PAG1: variants seen among roughly 807,000 people sequenced by gnomAD.
PAG1 encodes the protein phosphoprotein associated with glycosphingolipid-enriched microdomains 1.
PAG1 carries 23 observed loss-of-function variants against 31.7 expected under a neutral mutation model. The ratio of observed to expected loss-of-function variants is 0.73; its 90% CI spans 0.52 to 1.03. The LOEUF is 1.03. Ranked by LOEUF, PAG1 falls within the 50% of genes least tolerant of loss-of-function variation. The pLI, the probability that PAG1 is intolerant of heterozygous loss-of-function variation, is 0.00. For missense variants in PAG1, 473 were observed against 540.7 expected, an observed-to-expected ratio of 0.87 and a Z score of 1.24; for synonymous variants, 214 against 210.3, an observed-to-expected ratio of 1.02 and a Z score of -0.15.
chr8:81,101,758 T>C (rs988126323), intron 1 of PAG1, among the ~76,000 whole-genome samples: 1 of 152,248 alleles, frequency 6.6e-6, no homozygotes, highest in East Asian at 1.9e-4. Context: ...AAGCTCTAAC[T>C]GTACACATAA....
At chr8:81,104,308 A>T (rs1275476755) in intron 1 of PAG1, among the ~76,000 whole-genome samples, 1 of 151,942 alleles carries the variant, frequency 6.6e-6, no homozygotes, top group Non-Finnish European at 1.5e-5. Flanking sequence ...TTTGTGTCCA[A>T]GCACTTGTCA....
intron 3 of PAG1, among the ~76,000 whole-genome samples, chr8:81,013,099 C>T (rs1445770714): frequency 1.3e-5 from 2 of 152,166 alleles, no homozygotes; most frequent in African/African-American, 4.8e-5. Context: ...ACTTAAAAGG[C>T]AGAGGTATGG....
chr8:81,013,497 C>G (rs1173992599), intron 3 of PAG1, among the ~76,000 whole-genome samples: 1 of 152,206 alleles, frequency 6.6e-6, no homozygotes, highest in Non-Finnish European at 1.5e-5. Flanking sequence ...CCACCTTCAG[C>G]TAGTTGGCCA....
chr8:81,003,136 G>T (rs906290737), intron 3 of PAG1, among the ~76,000 whole-genome samples: 1 of 152,186 alleles, frequency 6.6e-6, no homozygotes, highest in Non-Finnish European at 1.5e-5. Flanking sequence ...GGGTGGCGGG[G>T]CCCGGCAACC....
intron 2 of PAG1, among the ~76,000 whole-genome samples, chr8:81,039,934 C>G (rs1001402569): frequency 6.6e-6 from 1 of 152,070 alleles, no homozygotes; most frequent in African/African-American, 2.4e-5. Flanking sequence ...AAACAGCTTT[C>G]AATAATTATT....
intron 2 of PAG1, among the ~76,000 whole-genome samples, 174 bp from the exon 3 acceptor site, chr8:81,030,263 C>G (rs957972706): frequency 1.3e-5 from 2 of 152,152 alleles, no homozygotes; most frequent in African/African-American, 4.8e-5. Flanking sequence ...CAACTATAGA[C>G]AGTAATAATT....
intron 3 of PAG1, among the ~76,000 whole-genome samples, chr8:81,016,470 A>G (rs1408445798): frequency 6.6e-6 from 1 of 152,182 alleles, no homozygotes; most frequent in Non-Finnish European, 1.5e-5. Flanking sequence ...CATATTTTCT[A>G]CGTTTAGGGA....
intron 3 of PAG1, among the ~76,000 whole-genome samples, chr8:80,993,645 C>A (rs932515892): frequency 6.7e-6 from 1 of 150,322 alleles, no homozygotes; most frequent in Non-Finnish European, 1.5e-5. Flanking sequence ...CTCTGTTGCC[C>A]AGAGTACAGG....
chr8:81,069,086 T>C lies in PAG1; in HGVS notation c.-175+1026A>G, dbSNP rs138815225. On this transcript the variant is annotated intron_variant, in intron 2 of 8. Transcript: ENST00000220597. ...TAATGCACTGATTCTTTAGCCTAAGTTAACTAACAAAAGGCAGGCTGATTT... is the reference window on the plus strand; with the variant it reads ...TAATGCACTGATTCTTTAGCCTAAGCTAACTAACAAAAGGCAGGCTGATTT... Among the ~76,000 whole-genome samples the C allele has an allele frequency of 2.2e-3, 339 of 152,346 alleles. 1 individual carries two copies. The highest frequency in any genetic ancestry group is 7.8e-3 in the African/African-American group (325 of 41,580).
At chr8:81,002,663 C>A (rs1807807968) in intron 3 of PAG1, among the ~76,000 whole-genome samples, 1 of 152,180 alleles carries the variant, frequency 6.6e-6, no homozygotes, top group African/African-American at 2.4e-5. Context: ...TTGTACCCAG[C>A]AATGGCAAAA....
chr8:80,984,699 A>G, intron 7 of PAG1, 77 bp downstream of exon 7: 5 of 1,375,336 alleles, frequency 3.6e-6, no homozygotes, highest in Non-Finnish European at 5.0e-6. Context: ...GATATTTCCC[A>G]GAACAACTCC....
At chr8:81,028,227 G>A (rs573990608) in intron 3 of PAG1, among the ~76,000 whole-genome samples, 126 of 152,334 alleles carry the variant, frequency 8.3e-4, no homozygotes, top group Non-Finnish European at 1.5e-3. Context: ...TCCAGTTCAC[G>A]GTTTGCATGC....
In PAG1 at chr8:80,970,490, G is replaced by GGACC. The variant is rs1418986129; in HGVS notation, c.*6053_*6054insGGTC. On this transcript the variant is annotated 3_prime_UTR_variant, in exon 9 of 9. Transcript: ENST00000220597. Reference sequence around the variant, plus strand: ...TTCCTTTTTCTTTCCTGGTAACTATGGGTCTGGTGTTGTCATAAGGATCTA... The same window carrying GGACC: ...TTCCTTTTTCTTTCCTGGTAACTATGGACCGGTCTGGTGTTGTCATAAGGATCTA... 6.6e-6 allele frequency: 1 copy of GGACC among 152,624 alleles called. No homozygotes were observed. The highest frequency in any genetic ancestry group is 1.5e-5 in the Non-Finnish European group (1 of 68,078). The allele number at this position is 152,624 out of a possible 1,614,324, so 9.5% of individuals were successfully genotyped here.
At chr8:81,034,059 T>C (rs1198214492) in intron 2 of PAG1, among the ~76,000 whole-genome samples, 1 of 152,218 alleles carries the variant, frequency 6.6e-6, no homozygotes, top group Admixed American at 6.5e-5. Flanking sequence ...GGAGGCAAGA[T>C]AACTACTCAG....
intron 3 of PAG1, among the ~76,000 whole-genome samples, chr8:81,015,868 G>A (rs925111532): frequency 6.6e-6 from 1 of 152,128 alleles, no homozygotes; most frequent in Admixed American, 6.5e-5. Flanking sequence ...TACTCTTAAT[G>A]GTGGGCTGAT....
At chr8:81,085,098 C>T (rs1809330220) in intron 1 of PAG1, among the ~76,000 whole-genome samples, 1 of 152,112 alleles carries the variant, frequency 6.6e-6, no homozygotes, top group Admixed American at 6.5e-5. Flanking sequence ...GGTTGTTGGG[C>T]CTTTACTTGG....
At chr8:81,063,842 C>A (rs1808959819) in intron 2 of PAG1, among the ~76,000 whole-genome samples, 1 of 152,108 alleles carries the variant, frequency 6.6e-6, no homozygotes, top group Admixed American at 6.5e-5. Flanking sequence ...TCATTAGACC[C>A]CCAGACCCAA....
chr8:81,043,293 T>C (rs991513648), intron 2 of PAG1, among the ~76,000 whole-genome samples: 20 of 152,204 alleles, frequency 1.3e-4, no homozygotes, highest in Non-Finnish European at 2.8e-4. Context: ...ACACACAGGA[T>C]ATAGAGTATT....
intron 1 of PAG1, among the ~76,000 whole-genome samples, chr8:81,090,359 T>C (rs1165277134): frequency 1.3e-5 from 2 of 152,212 alleles, no homozygotes; most frequent in South Asian, 2.1e-4. Flanking sequence ...CAAAACCCTA[T>C]GAGACATTCT....
Sources: gnomAD v4.1 joint callset for allele counts (sites outside exome capture counted in the v4.1 genomes callset) on GRCh38, gnomAD v4.1.1 for gene constraint, MANE v1.5 for transcripts, NCBI Gene and HGNC (gene_info 2026-07-23, HGNC 2026-07-21) for gene names.